PPM1L: variants seen among roughly 807,000 people sequenced by gnomAD.
PPM1L encodes the protein protein phosphatase, Mg2+/Mn2+ dependent 1L.
Under a neutral mutation model 31.4 loss-of-function variants are expected in PPM1L, and 13 were observed. That is an observed-to-expected ratio of 0.41 (90% CI 0.27 to 0.66). The LOEUF is 0.66. Among genes scored for constraint, PPM1L ranks in the 30% least tolerant of loss-of-function variants. The probability of loss-of-function intolerance (pLI) is 0.29; values close to 1 mark genes in which losing one functional copy is unlikely to be tolerated. For synonymous variants in PPM1L, 184 were observed against 175.4 expected, an observed-to-expected ratio of 1.05 and a Z score of -0.39; for missense variants, 326 against 453.7, an observed-to-expected ratio of 0.72 and a Z score of 2.56.
rs146180443 is a variant in PPM1L, at chr3:160,838,783, A to T, written c.399+82076A>T. Reference sequence around the variant, plus strand: ...TTGCCAGTGGATACTGAGGATTATGATACAGAAGGAGCTCTAAATTTTCTA... The same window carrying T: ...TTGCCAGTGGATACTGAGGATTATGTTACAGAAGGAGCTCTAAATTTTCTA... On this transcript the variant is annotated intron_variant, in intron 1 of 3. Transcript: ENST00000498165. 2.1e-4 allele frequency among the ~76,000 whole-genome samples: 32 copies of T among 152,298 alleles called. No homozygotes were observed. In the East Asian group the frequency reaches 5.0e-3, roughly 24 times the overall value.
chr3:160,982,678 G>C (rs1032314670), intron 2 of PPM1L, among the ~76,000 whole-genome samples: 2 of 152,076 alleles, frequency 1.3e-5, no homozygotes, highest in African/African-American at 4.8e-5. Flanking sequence ...TAGAGAAAAA[G>C]GAATGCAGCA....
chr3:160,939,927 G>T (rs1368510133), intron 1 of PPM1L, among the ~76,000 whole-genome samples: 1 of 152,170 alleles, frequency 6.6e-6, no homozygotes, highest in Non-Finnish European at 1.5e-5. Context: ...ATGTGGGAAA[G>T]CCTGGAACCT....
intron 1 of PPM1L, among the ~76,000 whole-genome samples, chr3:160,804,610 T>C (rs550100378): frequency 1.3e-5 from 2 of 152,224 alleles, no homozygotes; most frequent in Non-Finnish European, 2.9e-5. Context: ...TTCCTTACCA[T>C]TGCTCATTTT....
At chr3:160,914,099 G>T (rs1020352145) in intron 1 of PPM1L, among the ~76,000 whole-genome samples, 1 of 152,116 alleles carries the variant, frequency 6.6e-6, no homozygotes, top group African/African-American at 2.4e-5. Flanking sequence ...AACACTTGGC[G>T]TAGACATTCT....
At position 160,916,911 on chromosome 3, in the gene PPM1L, A is replaced by T. The variant is rs561004809; in HGVS notation, c.400-44825A>T. 1.5e-4 allele frequency among the ~76,000 whole-genome samples: 23 copies of T among 152,012 alleles called. No homozygotes were observed. The East Asian group carries it at 4.3e-3, about 28-fold the overall frequency. On this transcript the variant is annotated intron_variant, in intron 1 of 3. Transcript: ENST00000498165. ...AAGTAACTTAGAAACAAAACATCAAACTCTTTTTCTGCCAGTGACTTTAAT... is the reference window on the plus strand; with the variant it reads ...AAGTAACTTAGAAACAAAACATCAATCTCTTTTTCTGCCAGTGACTTTAAT...
intron 2 of PPM1L, among the ~76,000 whole-genome samples, chr3:160,995,810 A>G (rs1308347117): frequency 1.3e-5 from 2 of 152,210 alleles, no homozygotes; most frequent in Non-Finnish European, 2.9e-5. Context: ...TTGTGGGTTG[A>G]TAAATCGATC....
At position 160,756,345 on chromosome 3, in the gene PPM1L, G is replaced by A. The variant is rs765694942; in HGVS notation, c.37G>A (p.Gly13Ser). Residue 13 changes from glycine (G) to serine (S), a missense_variant, in exon 1 of 4, where the codon GGT becomes AGT. Coordinates refer to ENST00000498165, the MANE Select transcript of PPM1L (RefSeq NM_139245.4). The surrounding 1 kb of genome is among the most constrained non-coding windows in gnomAD (Gnocchi z 6.2). ...TACAATGACTTTGCTGTCTCTGCTG[G>A]GTCGCATCATGCGCTACTTCTTGCT... Reference protein sequence around the residue: ...EDTMTLLSLLGRIMRYFLLRP... With the variant: ...EDTMTLLSLLSRIMRYFLLRP... 6.2e-7 allele frequency: 1 copy of A among 1,614,166 alleles called. No homozygotes were observed. Among genetic ancestry groups the A allele is most frequent in the Non-Finnish European group, 8.5e-7 (1 of 1,180,008 alleles).
intron 1 of PPM1L, among the ~76,000 whole-genome samples, chr3:160,767,437 G>T (rs976697352): frequency 6.6e-6 from 1 of 151,912 alleles, no homozygotes; most frequent in South Asian, 2.1e-4. Context: ...GTTTTGCCAT[G>T]TTACCCAGGC....
chr3:160,794,511 G>T (rs1005061727), intron 1 of PPM1L, among the ~76,000 whole-genome samples: 1 of 152,178 alleles, frequency 6.6e-6, no homozygotes, highest in Non-Finnish European at 1.5e-5. Flanking sequence ...AGTTTGATTT[G>T]CATATTTTTA....
chr3:161,063,006 TAG>T (rs1438829872), intron 2 of PPM1L, among the ~76,000 whole-genome samples: 2 of 152,156 alleles, frequency 1.3e-5, no homozygotes, highest in Non-Finnish European at 2.9e-5. Flanking sequence ...GAGAGTCCTA[TAG>T]AGAGAGGACT....
chr3:161,017,610 G>T (rs982355553), intron 2 of PPM1L, among the ~76,000 whole-genome samples: 1 of 152,098 alleles, frequency 6.6e-6, no homozygotes, highest in Non-Finnish European at 1.5e-5. Context: ...CAGAATTGTC[G>T]TGGGAGGTTG....
intron 1 of PPM1L, among the ~76,000 whole-genome samples, chr3:160,927,189 A>G (rs1714623883): frequency 6.6e-6 from 1 of 152,208 alleles, no homozygotes; most frequent in South Asian, 2.1e-4. Context: ...TATTACTTTA[A>G]TACACCAACG....
intron 2 of PPM1L, among the ~76,000 whole-genome samples, chr3:161,048,401 A>T (rs910873795): frequency 2.6e-5 from 4 of 152,244 alleles, no homozygotes; most frequent in African/African-American, 9.6e-5. Context: ...TACCAGTTAG[A>T]ATGGCAATCA....
chr3:161,075,456 T>G lies in PPM1L; in HGVS notation c.*6299T>G, dbSNP rs1207155167. The G allele has an allele frequency of 6.6e-6, 1 of 152,192 alleles. No homozygotes were observed. Among genetic ancestry groups the G allele is most frequent in the Non-Finnish European group, 1.5e-5 (1 of 68,030 alleles). The allele number at this position is 152,192 out of a possible 1,614,324, so 9.4% of individuals were successfully genotyped here. A position where few individuals can be genotyped will look rare whatever the true frequency, so the allele number is the denominator to read the frequency against. The stretch of plus-strand genomic sequence containing the variant: ...CCATTCAAAAAATGGGCTTGTCTCT[T>G]AGAGTATTGGTTAATGCTTTGCTTA... On this transcript the variant is annotated 3_prime_UTR_variant, in exon 4 of 4. Transcript: ENST00000498165.
intron 1 of PPM1L, among the ~76,000 whole-genome samples, chr3:160,859,280 G>A (rs1711816407): frequency 6.6e-6 from 1 of 152,102 alleles, no homozygotes; most frequent in South Asian, 2.1e-4. Flanking sequence ...GCCAGTTTGA[G>A]TTGTCCTTTA....
chr3:160,938,424 A>T (rs1012683759), intron 1 of PPM1L, among the ~76,000 whole-genome samples: 1 of 152,164 alleles, frequency 6.6e-6, no homozygotes, highest in African/African-American at 2.4e-5. Context: ...CGAGATTACC[A>T]CTTAATATGA....
intron 1 of PPM1L, among the ~76,000 whole-genome samples, chr3:160,815,542 A>G (rs1712967754): frequency 6.6e-6 from 1 of 152,132 alleles, no homozygotes; most frequent in Non-Finnish European, 1.5e-5. Flanking sequence ...TCCAGTGTTA[A>G]AAAACTTTTG....
At chr3:161,043,491 G>C (rs1434855863) in intron 2 of PPM1L, among the ~76,000 whole-genome samples, 1 of 152,160 alleles carries the variant, frequency 6.6e-6, no homozygotes, top group Non-Finnish European at 1.5e-5. Context: ...TGGAAAATAT[G>C]AGCCTTTAAG....
intron 1 of PPM1L, among the ~76,000 whole-genome samples, chr3:160,863,628 T>C (rs368945608): frequency 6.6e-6 from 1 of 152,302 alleles, no homozygotes; most frequent in East Asian, 1.9e-4. Flanking sequence ...CCGAAGTTAC[T>C]GGACTGTGAG....
Sources: allele counts gnomAD v4.1 joint callset (sites outside exome capture counted in the v4.1 genomes callset), GRCh38; gene constraint gnomAD v4.1.1; non-coding constraint Gnocchi (gnomAD v3.1); transcripts MANE v1.5; gene names NCBI Gene and HGNC (gene_info 2026-07-23, HGNC 2026-07-21).